The following PRKG1 variants were observed in gnomAD, a reference collection of about 807,000 sequenced individuals.
The protein encoded by PRKG1 is cGMP-dependent protein kinase 1.
In PRKG1, 35 loss-of-function variants were observed where a neutral mutation model predicts 88.1. The observed-to-expected ratio is 0.40, with a 90% CI of 0.30 to 0.53. The LOEUF (loss-of-function observed/expected upper bound fraction) is 0.53. Ranked by LOEUF, PRKG1 falls within the 20% of genes least tolerant of loss-of-function variation. The pLI is 0.59. For synonymous variants in PRKG1, 303 were observed against 292.5 expected (o/e 1.04, Z -0.37); for missense variants, 540 against 839.8 (o/e 0.64, Z 4.41).
chr10:51,321,658 T>C (rs1258889814), intron 2 of PRKG1, among the ~76,000 whole-genome samples: 1 of 151,848 alleles, frequency 6.6e-6, no homozygotes, highest in Non-Finnish European at 1.5e-5. Flanking sequence ...GTACGAAAAA[T>C]AGTTAGAAAG....
At chr10:51,576,640 A>C (rs1380588743) in intron 3 of PRKG1, among the ~76,000 whole-genome samples, 2 of 151,980 alleles carry the variant, frequency 1.3e-5, no homozygotes, top group Admixed American at 1.3e-4. Context: ...TAAGCAACCA[A>C]ACAGGAAGGC....
intron 2 of PRKG1, among the ~76,000 whole-genome samples, chr10:51,465,813 T>A (rs1225457365): frequency 6.6e-6 from 1 of 152,174 alleles, no homozygotes; most frequent in African/African-American, 2.4e-5. Context: ...TGCTTCAATG[T>A]CATCTAATAA....
chr10:51,028,015 G>A (rs1378686830), intron 1 of PRKG1, among the ~76,000 whole-genome samples: 1 of 152,176 alleles, frequency 6.6e-6, no homozygotes, highest in Non-Finnish European at 1.5e-5. Flanking sequence ...AACACACTGA[G>A]GCAGGGCTGA....
intron 3 of PRKG1, among the ~76,000 whole-genome samples, chr10:51,693,542 C>G (rs1366305009): frequency 1.3e-5 from 2 of 152,018 alleles, no homozygotes; most frequent in African/African-American, 2.4e-5. Context: ...GCTGGGATTA[C>G]TGGGGCCTGC....
intron 5 of PRKG1, among the ~76,000 whole-genome samples, chr10:51,989,780 C>CT (rs1589491055): frequency 1.3e-5 from 2 of 152,026 alleles, no homozygotes; most frequent in Admixed American, 1.3e-4. Context: ...TAAGGAGTAA[C>CT]TTTTTTTATA....
At chr10:51,055,879 C>T (rs1440740249) in intron 1 of PRKG1, among the ~76,000 whole-genome samples, 1 of 152,184 alleles carries the variant, frequency 6.6e-6, no homozygotes, top group African/African-American at 2.4e-5. Context: ...TTATTCTAAG[C>T]CCCTGTGTCT....
intron 1 of PRKG1, among the ~76,000 whole-genome samples, chr10:51,008,787 T>C (rs1267682946): frequency 6.6e-6 from 1 of 152,232 alleles, no homozygotes; most frequent in Middle Eastern, 3.4e-3. Context: ...GCTGAGCCCA[T>C]GGAAAAAAAA....
rs188709525 is a variant in PRKG1 at position 52,140,104 on chromosome 10, G to A, written c.1001+6199G>A. Reference sequence around the variant, plus strand: ...GATTTAGTTCTCATCATTAAAACATGTAAAAATCATTCTTATCTCATGACC... The same window carrying A: ...GATTTAGTTCTCATCATTAAAACATATAAAAATCATTCTTATCTCATGACC... On this transcript the variant is annotated intron_variant, in intron 8 of 17. Transcript: ENST00000373980. 9.1e-4 allele frequency among the ~76,000 whole-genome samples: 138 copies of A among 152,294 alleles called. 1 individual carries two copies. The highest frequency in any genetic ancestry group is 3.3e-3 in the African/African-American group (137 of 41,572).
chr10:51,331,371 G>A (rs1588848151), intron 2 of PRKG1, among the ~76,000 whole-genome samples: 1 of 152,128 alleles, frequency 6.6e-6, no homozygotes, highest in Non-Finnish European at 1.5e-5. Flanking sequence ...GAGCTTCGTG[G>A]TCTCATCTGG....
intron 5 of PRKG1, among the ~76,000 whole-genome samples, chr10:52,023,754 G>C (rs774016117): frequency 5.3e-5 from 8 of 152,152 alleles, no homozygotes; most frequent in Admixed American, 1.3e-4. Context: ...CTCACTTTTT[G>C]ATGGGGTTGT....
intron 3 of PRKG1, among the ~76,000 whole-genome samples, chr10:51,583,804 A>G (rs369594756): frequency 9.9e-5 from 15 of 152,144 alleles, no homozygotes; most frequent in African/African-American, 3.6e-4. Context: ...TGGAGCAGAG[A>G]CAAAGTTTTG....
intron 2 of PRKG1, among the ~76,000 whole-genome samples, chr10:51,424,692 C>T (rs1041084313): frequency 6.6e-5 from 10 of 152,022 alleles, no homozygotes; most frequent in Admixed American, 6.6e-4. Flanking sequence ...ATGAAAGACC[C>T]CCATGTTTCT....
At chr10:51,424,476 T>C (rs1239917654) in intron 2 of PRKG1, among the ~76,000 whole-genome samples, 2 of 152,166 alleles carry the variant, frequency 1.3e-5, no homozygotes, top group Non-Finnish European at 2.9e-5. Flanking sequence ...TAGGTACCTG[T>C]GTTAAAATGA....
chr10:51,420,187 T>G (rs182526938), intron 2 of PRKG1, among the ~76,000 whole-genome samples: 2 of 152,128 alleles, frequency 1.3e-5, no homozygotes, highest in East Asian at 3.9e-4. Flanking sequence ...GCAGGCAATT[T>G]GCATGGTGAA....
intron 5 of PRKG1, among the ~76,000 whole-genome samples, chr10:51,950,316 G>A (rs184130233): frequency 1.1e-4 from 17 of 152,242 alleles, no homozygotes; most frequent in Admixed American, 9.8e-4. Flanking sequence ...ATATAAACTA[G>A]AGAAAAAACA....
intron 2 of PRKG1, among the ~76,000 whole-genome samples, chr10:51,261,242 T>C (rs1051207578): frequency 6.6e-6 from 1 of 152,218 alleles, no homozygotes; most frequent in South Asian, 2.1e-4. Context: ...ATTAATTTTT[T>C]AAAAAACTTT....
At chr10:51,005,681 C>A (rs185892984) in intron 1 of PRKG1, among the ~76,000 whole-genome samples, 2 of 152,212 alleles carry the variant, frequency 1.3e-5, no homozygotes, top group African/African-American at 4.8e-5. Flanking sequence ...CGAGTTTAAA[C>A]GAAACACTGT....
chr10:51,626,073 C>G (rs1176345699), intron 3 of PRKG1, among the ~76,000 whole-genome samples: 1 of 152,164 alleles, frequency 6.6e-6, no homozygotes, highest in Non-Finnish European at 1.5e-5. Context: ...TTAATATTTA[C>G]AGGCATCTTA....
At chr10:51,915,184 A>G (rs1842311203) in intron 5 of PRKG1, among the ~76,000 whole-genome samples, 1 of 152,164 alleles carries the variant, frequency 6.6e-6, no homozygotes, top group African/African-American at 2.4e-5. Flanking sequence ...TAACAGAGAA[A>G]AAGTCCTGCC....
Sources: allele counts gnomAD v4.1 joint callset (sites outside exome capture counted in the v4.1 genomes callset), GRCh38; gene constraint gnomAD v4.1.1; transcripts MANE v1.5; gene names NCBI Gene and HGNC (gene_info 2026-07-23, HGNC 2026-07-21).